CMTM7: variants seen among roughly 807,000 people sequenced by gnomAD.
CMTM7 encodes CKLF like MARVEL transmembrane domain containing 7.
CMTM7 carries 7 observed loss-of-function variants against 19.3 expected under a neutral mutation model. That is an observed-to-expected ratio of 0.36 (90% confidence interval 0.21 to 0.68). CMTM7 has a LOEUF of 0.68. Ranked by LOEUF, CMTM7 falls within the 30% of genes least tolerant of loss-of-function variation. The pLI, the probability that CMTM7 is intolerant of heterozygous loss-of-function variation, is 0.60. For missense variants in CMTM7, 193 were observed against 232.6 expected (o/e 0.83, Z 1.11); for synonymous variants, 87 against 99.3 (o/e 0.88, Z 0.74).
chr3:32,416,384 T>C (rs1696264816), intron 1 of CMTM7, among the ~76,000 whole-genome samples: 1 of 101,012 alleles, frequency 9.9e-6, no homozygotes, highest in Non-Finnish European at 2.0e-5. Context: ...TTTTTTTTTT[T>C]TTTTTTTTTT....
At position 32,449,031 on chromosome 3, in the gene CMTM7, T is replaced by C. The variant is rs891885864; in HGVS notation, c.334-423T>C. Among the ~76,000 whole-genome samples, 1 of 152,186 alleles carries C rather than the reference T, an allele frequency of 6.6e-6. No homozygotes were observed. Among genetic ancestry groups the C allele is most frequent in the African/African-American group, 2.4e-5 (1 of 41,432 alleles). ...CCGAAGCAGAAGAGAAAGGCAAATATCTCTTTAAGGTACTTTGCTTCTCCG... is the reference window on the plus strand; with the variant it reads ...CCGAAGCAGAAGAGAAAGGCAAATACCTCTTTAAGGTACTTTGCTTCTCCG... On this transcript the variant is annotated intron_variant, in intron 2 of 4. Transcript: ENST00000334983. This position sits in a 1 kb window ranked among gnomAD's most constrained non-coding sequence, Gnocchi z 4.5.
At chr3:32,425,229 T>C (rs1696412547) in intron 1 of CMTM7, among the ~76,000 whole-genome samples, 1 of 152,250 alleles carries the variant, frequency 6.6e-6, no homozygotes, top group Non-Finnish European at 1.5e-5. Flanking sequence ...TAGCCATTTA[T>C]GAAAATAATT....
intron 1 of CMTM7, among the ~76,000 whole-genome samples, chr3:32,425,269 TA>T (rs1314728654): frequency 9.9e-5 from 15 of 152,156 alleles, no homozygotes; most frequent in Admixed American, 9.2e-4. Context: ...CGGCTCCTTA[TA>T]AAAAAAGCTT....
At chr3:32,398,577 G>A (rs933417413) in intron 1 of CMTM7, among the ~76,000 whole-genome samples, 4 of 152,056 alleles carry the variant, frequency 2.6e-5, no homozygotes, top group Admixed American at 2.6e-4. Flanking sequence ...TGAAGGAGAA[G>A]TACTCAGTGG....
chr3:32,395,892 A>G (rs1695907146), intron 1 of CMTM7, among the ~76,000 whole-genome samples: 1 of 152,236 alleles, frequency 6.6e-6, no homozygotes, highest in African/African-American at 2.4e-5. Context: ...CCATCAAATG[A>G]TGAATGTATA....
At chr3:32,441,763 T>C in intron 1 of CMTM7, 77 bp from the exon 2 acceptor site, 1 of 1,291,546 alleles carries the variant, frequency 7.7e-7, no homozygotes. Flanking sequence ...GGGGGATGCT[T>C]GGTTGTTTTC....
At chr3:32,392,347 C>T (rs568517677) in intron 1 of CMTM7, among the ~76,000 whole-genome samples, 1 of 152,376 alleles carries the variant, frequency 6.6e-6, no homozygotes, top group South Asian at 2.1e-4. Flanking sequence ...CCTGCGAAGC[C>T]TGACCCGCCT....
intron 1 of CMTM7, among the ~76,000 whole-genome samples, chr3:32,417,580 A>C (rs191227749): frequency 1.1e-4 from 16 of 152,330 alleles, no homozygotes; most frequent in Non-Finnish European, 2.2e-4. Flanking sequence ...GTAAATACCT[A>C]TCTGTAGTTT....
intron 1 of CMTM7, among the ~76,000 whole-genome samples, chr3:32,400,556 C>G (rs137919747): frequency 1.2e-3 from 184 of 151,768 alleles, no homozygotes; most frequent in African/African-American, 4.3e-3. Flanking sequence ...CCATGCCCAG[C>G]TAATTATTGT....
At chr3:32,439,990 A>G (rs1425658449) in intron 1 of CMTM7, among the ~76,000 whole-genome samples, 1 of 152,162 alleles carries the variant, frequency 6.6e-6, no homozygotes, top group African/African-American at 2.4e-5. Flanking sequence ...AAAAATATAT[A>G]CACACATTGC....
chr3:32,452,604 AG>A, intron 4 of CMTM7, 131 bp downstream of exon 4: 1 of 877,538 alleles, frequency 1.1e-6, no homozygotes, highest in Non-Finnish European at 1.8e-6. Flanking sequence ...AAGTAGTATT[AG>A]AGCACAGGGG....
chr3:32,416,379 T>C (rs1316796948), intron 1 of CMTM7, among the ~76,000 whole-genome samples: 2 of 98,176 alleles, frequency 2.0e-5, no homozygotes, highest in African/African-American at 8.5e-5. Context: ...TTTTTTTTTT[T>C]TTTTTTTTTT....
At chr3:32,443,223 C>T (rs149676178) in intron 2 of CMTM7, among the ~76,000 whole-genome samples, 3 of 152,098 alleles carry the variant, frequency 2.0e-5, no homozygotes, top group South Asian at 2.1e-4. Flanking sequence ...CTCAGCCTCC[C>T]GAGTAGCTGA....
intron 4 of CMTM7, 50 bp downstream of exon 4, chr3:32,452,523 G>A: frequency 6.3e-7 from 1 of 1,583,210 alleles, no homozygotes; most frequent in African/African-American, 1.3e-5. Flanking sequence ...ACAGGGGGAT[G>A]GCTTGTTCTT....
chr3:32,428,922 T>C (rs1164198817), intron 1 of CMTM7, among the ~76,000 whole-genome samples: 2 of 152,214 alleles, frequency 1.3e-5, no homozygotes, highest in Non-Finnish European at 2.9e-5. Flanking sequence ...CAGGGTTTGC[T>C]TGACTGCACC....
intron 1 of CMTM7, among the ~76,000 whole-genome samples, chr3:32,431,114 T>C (rs1355781854): frequency 1.3e-5 from 2 of 152,152 alleles, no homozygotes; most frequent in Non-Finnish European, 2.9e-5. Flanking sequence ...TCCTGGGCAG[T>C]GATAAGGGCT....
chr3:32,432,742 G>A (rs944826297), intron 1 of CMTM7, among the ~76,000 whole-genome samples: 1 of 152,190 alleles, frequency 6.6e-6, no homozygotes, highest in Admixed American at 6.5e-5. Context: ...CTTGGTGCAC[G>A]GTGAGCGTAC....
At position 32,454,665 on chromosome 3, in the gene CMTM7, C is replaced by G. The variant is rs1696884079; in HGVS notation, c.*411C>G. On this transcript the variant is annotated 3_prime_UTR_variant, in exon 5 of 5. Transcript: ENST00000334983. ...GAAACAAAGCCCTGTCCTAATTTAT[C>G]TAGCTTGTCAGTCCGGTCTTAGAGA... 1 of 365,878 alleles carries G rather than the reference C, an allele frequency of 2.7e-6. No individual in the cohort carries two copies. Among genetic ancestry groups the G allele is most frequent in the African/African-American group, 2.1e-5 (1 of 47,262 alleles). The allele number at this position is 365,878 out of a possible 1,614,324, so 22.7% of individuals were successfully genotyped here.
At chr3:32,412,254 GCAGA>G (rs968451257) in intron 1 of CMTM7, among the ~76,000 whole-genome samples, 5 of 152,158 alleles carry the variant, frequency 3.3e-5, no homozygotes, top group Non-Finnish European at 7.3e-5. Context: ...GGAGGCCGAG[GCAGA>G]CAGATCACCT....
Sources: gnomAD v4.1 joint callset for allele counts (sites outside exome capture counted in the v4.1 genomes callset) on GRCh38, gnomAD v4.1.1 for gene constraint, Gnocchi (gnomAD v3.1) non-coding constraint, MANE v1.5 for transcripts, NCBI Gene and HGNC (gene_info 2026-07-23, HGNC 2026-07-21) for gene names.